The following ZNF479 variants were observed in gnomAD, a reference collection of about 807,000 sequenced individuals.
ZNF479 encodes the protein zinc finger protein 479, also known as KRAB zinc finger protein KR19.
ZNF479 carries 15 observed loss-of-function variants against 14.7 expected under a neutral mutation model. The observed-to-expected ratio is 1.02, with a 90% CI of 0.68 to 1.57. The LOEUF (loss-of-function observed/expected upper bound fraction) is 1.57. ZNF479 is among the 40% of genes most tolerant of loss of function. The pLI, the probability that ZNF479 is intolerant of heterozygous loss-of-function variation, is 0.00. For missense variants in ZNF479, 506 were observed against 615.1 expected (o/e 0.82, Z 1.88); for synonymous variants, 145 against 211.5 (o/e 0.69, Z 2.73).
At chr7:57,122,994 A>T (rs866334317) in intron 3 of ZNF479, among the ~76,000 whole-genome samples, 6 of 152,292 alleles carry the variant, frequency 3.9e-5, no homozygotes, top group Middle Eastern at 3.4e-3. Flanking sequence ...AAAATCAATT[A>T]AAAAAACTGA....
In ZNF479 at chr7:57,118,498, A is replaced by G. The variant is rs1385750668; in HGVS notation, c.*1342T>C. 2.6e-5 allele frequency among the ~76,000 whole-genome samples: 4 copies of G among 152,038 alleles called. No individual in the cohort carries two copies. The highest frequency in any genetic ancestry group is 9.7e-5 in the African/African-American group (4 of 41,410). ...GCAATTCTCCTACCTCTGCCTGCCA[A>G]GTAGCTGGGATTACAAGTGCACGCC... On this transcript the variant is annotated 3_prime_UTR_variant, in exon 4 of 4. Coordinates refer to ENST00000319636, the MANE Select transcript of ZNF479 (RefSeq NM_001370129.2).
chr7:57,121,258 T>C, intron 3 of ZNF479, 106 bp from the exon 4 acceptor site: 2 of 1,189,624 alleles, frequency 1.7e-6, no homozygotes, highest in Non-Finnish European at 2.4e-6. Context: ...CAAAATGCCA[T>C]ATCAAAATAC....
rs557414917 is a variant in ZNF479, at chr7:57,125,944, A to G, written c.262+74T>C. On this transcript the variant is annotated intron_variant, in intron 3 of 3. Coordinates refer to ENST00000319636, the MANE Select transcript of ZNF479 (RefSeq NM_001370129.2). ...ATCAAAGCACAGCTCCCCAGACCAC[A>G]TTTTAAGGACTGGCTGCCTCCTTGA... is the stretch of plus-strand genomic sequence containing the variant. 14 of 1,547,880 alleles carry G rather than the reference A, an allele frequency of 9.0e-6. No homozygotes were observed. The Admixed American group carries it at 2.3e-4, about 25-fold the overall frequency.
intron 3 of ZNF479, among the ~76,000 whole-genome samples, chr7:57,122,825 T>G (rs564309759): frequency 6.6e-6 from 1 of 152,218 alleles, no homozygotes; most frequent in South Asian, 2.1e-4. Context: ...TTACTAGGAA[T>G]CTATAATTAT....
chr7:57,135,527 C>T (rs1200421328), upstream of ZNF479, among the ~76,000 whole-genome samples: 3 of 152,148 alleles, frequency 2.0e-5, no homozygotes, highest in Non-Finnish European at 4.4e-5. Context: ...ATTCTCCTTC[C>T]TCAGCTTCCC....
chr7:57,135,452 G>A (rs924206303), upstream of ZNF479, among the ~76,000 whole-genome samples: 21 of 151,890 alleles, frequency 1.4e-4, no homozygotes, highest in African/African-American at 2.7e-4. Flanking sequence ...CACTCTTGTC[G>A]CTCAGGCTGG....
chr7:57,133,473 G>A (rs765599875), upstream of ZNF479, among the ~76,000 whole-genome samples: 31 of 152,084 alleles, frequency 2.0e-4, no homozygotes, highest in Non-Finnish European at 4.1e-4. Context: ...TAATACATGC[G>A]GGCAGCCTGA....
chr7:57,121,937 G>T (rs1353922333), intron 3 of ZNF479, among the ~76,000 whole-genome samples: 9 of 151,458 alleles, frequency 5.9e-5, no homozygotes, highest in African/African-American at 2.2e-4. Flanking sequence ...AATAAAATAA[G>T]AAAAATAAGA....
At chr7:57,122,227 A>G (rs1785985960) in intron 3 of ZNF479, among the ~76,000 whole-genome samples, 1 of 151,968 alleles carries the variant, frequency 6.6e-6, no homozygotes, top group South Asian at 2.1e-4. Context: ...CTTGCAGGTC[A>G]GAAAAGAACT....
At chr7:57,131,671 G>A (rs1293174556) in intron 1 of ZNF479, among the ~76,000 whole-genome samples, 1 of 151,878 alleles carries the variant, frequency 6.6e-6, no homozygotes, top group African/African-American at 2.4e-5. Context: ...AATCTCTGAT[G>A]ACATAACCAA....
upstream of ZNF479, among the ~76,000 whole-genome samples, chr7:57,134,617 T>C (rs1583950126): frequency 6.6e-6 from 1 of 151,846 alleles, no homozygotes; most frequent in Non-Finnish European, 1.5e-5. Context: ...TCCTAATAAA[T>C]TTGCTTTTGC....
chr7:57,135,695 G>A (rs915530342), upstream of ZNF479, among the ~76,000 whole-genome samples: 1 of 152,164 alleles, frequency 6.6e-6, no homozygotes, highest in Non-Finnish European at 1.5e-5. Flanking sequence ...TTACAGGCAT[G>A]AGCCACTGAA....
intron 3 of ZNF479, among the ~76,000 whole-genome samples, chr7:57,121,371 T>G (rs1554400592): frequency 6.6e-6 from 1 of 152,214 alleles, no homozygotes; most frequent in African/African-American, 2.4e-5. Flanking sequence ...GTGCACCATG[T>G]GAGCATGATG....
exon 1 of ZNF479, chr7:57,139,774 T>A (rs1330654374): frequency 6.6e-6 from 1 of 152,186 alleles, no homozygotes; most frequent in Non-Finnish European, 1.5e-5. Flanking sequence ...ACCCAAATGA[T>A]ATAACTCTTT....
chr7:57,129,983 A>C (rs565771085), intron 1 of ZNF479, among the ~76,000 whole-genome samples: 1 of 152,332 alleles, frequency 6.6e-6, no homozygotes, highest in Admixed American at 6.5e-5. Flanking sequence ...GTTAGAGCTA[A>C]GGCAGTGTTA....
rs7458019 is a variant in ZNF479 at position 57,118,123 on chromosome 7, G to T, written c.*1717C>A. Among the ~76,000 whole-genome samples the T allele has an allele frequency of 7.4e-3, 1,125 of 152,268 alleles. 8 individuals carry two copies. Among genetic ancestry groups the T allele is most frequent in the African/African-American group, 0.026 (1,067 of 41,558 alleles). ...TGGTGTTTTCTAAGCTGGAGGTTTT[G>T]AAAAAATGTTTTTCACATTCATTAC... On this transcript the variant is annotated 3_prime_UTR_variant, in exon 4 of 4. Coordinates refer to ENST00000319636, the MANE Select transcript of ZNF479 (RefSeq NM_001370129.2).
At chr7:57,131,522 C>A (rs1428319600) in intron 1 of ZNF479, among the ~76,000 whole-genome samples, 4 of 149,608 alleles carry the variant, frequency 2.7e-5, no homozygotes, top group South Asian at 2.2e-4. Context: ...GAGATCGCAC[C>A]ACTGCACTCC....
Position 57,131,955 on chromosome 7 carries a change from G to T in ZNF479, c.39+331C>A, listed in dbSNP as rs142513948. Among the ~76,000 whole-genome samples, 588 of 152,252 alleles carry T rather than the reference G, an allele frequency of 3.9e-3. 3 individuals carry two copies. Among genetic ancestry groups the T allele is most frequent in the African/African-American group, 0.013 (544 of 41,544 alleles). On this transcript the variant is annotated intron_variant, in intron 1 of 3. Transcript: ENST00000319636. ...ACAGCTCTTTCCACTCATGAATCTT[G>T]CACCCTGAGTCAGGATTCTCCCCTG...
upstream of ZNF479, among the ~76,000 whole-genome samples, chr7:57,133,593 G>A (rs151297156): frequency 0.022 from 3,295 of 152,190 alleles, 128 homozygotes; most frequent in African/African-American, 0.074. Flanking sequence ...GGAGCTGGGC[G>A]CAGTGGCTCA....
Sources: gnomAD v4.1 joint callset for allele counts (sites outside exome capture counted in the v4.1 genomes callset) on GRCh38, gnomAD v4.1.1 for gene constraint, MANE v1.5 for transcripts, NCBI Gene and HGNC (gene_info 2026-07-23, HGNC 2026-07-21) for gene names.